The following SYT3 variants were observed in gnomAD, a reference collection of about 807,000 sequenced individuals.
SYT3 encodes synaptotagmin-3.
Under a neutral mutation model 50.6 loss-of-function variants are expected in SYT3, and 25 were observed. The ratio of observed to expected loss-of-function variants is 0.49; its 90% CI spans 0.36 to 0.69. The LOEUF (loss-of-function observed/expected upper bound fraction) is 0.69. Ranked by LOEUF, SYT3 falls within the 30% of genes least tolerant of loss-of-function variation. The pLI is 0.00. For missense variants in SYT3, 589 were observed against 793.6 expected, an observed-to-expected ratio of 0.74 and a Z score of 3.10; for synonymous variants, 323 against 353.9, an observed-to-expected ratio of 0.91 and a Z score of 0.98.
chr19:50,622,206 CA>C lies in SYT3; in HGVS notation c.*278del, dbSNP rs1276178755. The C allele has an allele frequency of 4.7e-5, 7 of 148,276 alleles. No individual in the cohort carries two copies. Among genetic ancestry groups the C allele is most frequent in the African/African-American group, 1.8e-4 (7 of 39,246 alleles). 9.2% of individuals were successfully genotyped at this position (148,276 alleles called of 1,614,324 possible). ...GAGACAGACAGAGGGTTTTGGGGGG[CA>C]GGGGTCCCCCAGACATGCATGGCCC... On this transcript the variant is annotated 3_prime_UTR_variant, in exon 11 of 11. Transcript: ENST00000600079.
At chr19:50,650,266 C>T in the SYT3 span, among the ~76,000 whole-genome samples, 32 of 152,302 alleles carry the variant, frequency 2.1e-4, 1 homozygote, top group Admixed American at 1.8e-3. Flanking sequence ...GCTCCTAGCC[C>T]AGCACTTCCT....
chr19:50,629,359 G>T lies in SYT3; in HGVS notation c.1216C>A (p.Leu406Ile), dbSNP rs1005935891. The T allele has an allele frequency of 1.2e-6, 2 of 1,613,602 alleles. No individual in the cohort carries two copies. The highest frequency in any genetic ancestry group is 1.7e-6 in the Non-Finnish European group (2 of 1,179,858). ...GGGGGCTGCTCGGCCAGCTCCAGGA[G>T]GTTGTCCAGCACCACCTGGCCGATG... ...DLIGQVVLDN[L>I]LELAEQPPDR... The change falls in exon 6 of 11, where the codon CTC (leucine) becomes ATC (isoleucine). Residue 406 changes from leucine to isoleucine, a missense_variant. By Grantham distance (5) the Leu-to-Ile change is conservative (BLOSUM62 2). This residue lies in a region of SYT3 where 273 missense variants were observed against 439.3 expected (regional missense o/e 0.62). Coordinates refer to ENST00000600079, the MANE Select transcript of SYT3 (RefSeq NM_001160329.2).
At chr19:50,653,000 T>C in the SYT3 span, among the ~76,000 whole-genome samples, 1 of 152,088 alleles carries the variant, frequency 6.6e-6, no homozygotes. Context: ...CCTCGGAAGG[T>C]TGTTGTGAGG....
chr19:50,643,306 C>T (rs1021236495), upstream of SYT3, among the ~76,000 whole-genome samples: 2 of 151,832 alleles, frequency 1.3e-5, no homozygotes, highest in Non-Finnish European at 2.9e-5. Context: ...CCCCAGAAGT[C>T]GAGGCTGTGG....
rs1984594421 is a variant in SYT3, at chr19:50,639,326, G to C, written c.-153-164C>G. The C allele has an allele frequency of 6.6e-6, 1 of 152,156 alleles. No homozygotes were observed. Among genetic ancestry groups the C allele is most frequent in the South Asian group, 2.1e-4 (1 of 4,822 alleles). 9.4% of individuals were successfully genotyped at this position (152,156 alleles called of 1,614,324 possible). ...GACTACAATTCCCGGCAGGTCTCGC[G>C]CTCGCGCTGCTGCGGCTTCATAGAC... On this transcript the variant is annotated intron_variant, in intron 1 of 10. Coordinates refer to ENST00000600079, the MANE Select transcript of SYT3 (RefSeq NM_001160329.2). The surrounding 1 kb of genome is among the most constrained non-coding windows in gnomAD (Gnocchi z 4.6).
At chr19:50,653,682 GCACACA>G in the SYT3 span, among the ~76,000 whole-genome samples, 19,147 of 121,654 alleles carry the variant, frequency 0.16, 1,863 homozygotes, top group East Asian at 0.24. Flanking sequence ...ATGAGAGACA[GCACACA>G]CACACACACA....
At chr19:50,657,192 G>C in the SYT3 span, among the ~76,000 whole-genome samples, 4 of 152,192 alleles carry the variant, frequency 2.6e-5, no homozygotes, top group Non-Finnish European at 2.9e-5. Context: ...AGGCCTCCAA[G>C]GTACCCTCTC....
chr19:50,647,358 G>C, the SYT3 span, among the ~76,000 whole-genome samples: 3 of 151,994 alleles, frequency 2.0e-5, no homozygotes, highest in African/African-American at 7.2e-5. Context: ...CTTGTGGGGA[G>C]AGGAATGAGG....
the SYT3 span, among the ~76,000 whole-genome samples, chr19:50,657,640 C>T: frequency 1.3e-5 from 2 of 152,166 alleles, no homozygotes; most frequent in Non-Finnish European, 2.9e-5. Context: ...AACTTTCAGG[C>T]GCATCCATTG....
chr19:50,647,123 C>G, the SYT3 span, among the ~76,000 whole-genome samples: 39 of 151,992 alleles, frequency 2.6e-4, no homozygotes, highest in Admixed American at 1.3e-4. Flanking sequence ...AGCCACCGCG[C>G]CTGGCTGCGG....
In SYT3 at chr19:50,632,927, A is replaced by G. The variant is rs1599818741; in HGVS notation, c.149-116T>C. ...GCCATGCAATTGTCCATGCAATTGC[A>G]AGTGCCAGGCACTTTACATGTATTA... On this transcript the variant is annotated intron_variant, in intron 3 of 10. Transcript: ENST00000600079. This position sits in a 1 kb window ranked among gnomAD's most constrained non-coding sequence, Gnocchi z 4.7. 2.6e-6 allele frequency: 2 copies of G among 773,352 alleles called. No individual in the cohort carries two copies. Among genetic ancestry groups the G allele is most frequent in the East Asian group, 2.9e-5 (1 of 35,048 alleles). 47.9% of individuals were successfully genotyped at this position (773,352 alleles called of 1,614,324 possible).
chr19:50,625,720 G>C lies in SYT3; in HGVS notation c.1403-156C>G, dbSNP rs963794043. 2.7e-5 allele frequency among the ~76,000 whole-genome samples: 4 copies of C among 149,230 alleles called. No homozygotes were observed. In the South Asian group the frequency reaches 8.6e-4, roughly 32 times the overall value. The stretch of plus-strand genomic sequence containing the variant: ...TCAGGCCCAAGAGTCCAGACCCCAG[G>C]TCCTCCTCTCTCCGACCCAGGAGTC... On this transcript the variant is annotated intron_variant, in intron 7 of 10. Transcript: ENST00000600079. This position sits in a 1 kb window ranked among gnomAD's most constrained non-coding sequence, Gnocchi z 7.5.
chr19:50,632,552 G>A lies in SYT3; in HGVS notation c.408C>T (p.Ala136=), dbSNP rs200047213. The change falls in exon 4 of 11, where the codon GCC becomes GCT. Residue 136 remains alanine, a synonymous_variant. Coordinates refer to ENST00000600079, the MANE Select transcript of SYT3 (RefSeq NM_001160329.2). The surrounding 1 kb of genome is among the most constrained non-coding windows in gnomAD (Gnocchi z 4.7). The part of the protein sequence containing the change: ...LLGGPHHHAH[A]AHHPPFAELL... ...GCTCAGCAAAGGGTGGATGGTGGGC[G>A]GCATGGGCATGGTGGTGTGGGCCGC... is the stretch of plus-strand genomic sequence containing the variant. 6.9e-5 allele frequency: 110 copies of A among 1,600,242 alleles called. No homozygotes were observed. Among genetic ancestry groups the A allele is most frequent in the East Asian group, 4.9e-4 (22 of 44,602 alleles).
At position 50,632,647 on chromosome 19, in the gene SYT3, C is replaced by A; in HGVS notation, c.313G>T (p.Gly105Trp). The A allele has an allele frequency of 6.3e-7, 1 of 1,584,698 alleles. No individual in the cohort carries two copies. The highest frequency in any genetic ancestry group is 1.7e-5 in the Admixed American group (1 of 58,722). The part of the protein sequence containing the change: ...PLRKDLGPGV[G>W]LAGLVGGGGH... ...CCTCCGCCTACCAGGCCTGCCAGCCCGACACCAGGGCCTAGGTCTTTGCGC... is the reference window on the plus strand; with the variant it reads ...CCTCCGCCTACCAGGCCTGCCAGCCAGACACCAGGGCCTAGGTCTTTGCGC... Residue 105 changes from glycine to tryptophan, a missense_variant, in exon 4 of 11, where the codon GGG becomes TGG. Coordinates refer to ENST00000600079, the MANE Select transcript of SYT3 (RefSeq NM_001160329.2). This position sits in a 1 kb window ranked among gnomAD's most constrained non-coding sequence, Gnocchi z 4.7.
At chr19:50,627,800 T>C (rs565341123) in intron 6 of SYT3, among the ~76,000 whole-genome samples, 1 of 149,376 alleles carries the variant, frequency 6.7e-6, no homozygotes, top group Non-Finnish European at 1.5e-5. Flanking sequence ...CCTCAAGTGA[T>C]GATGATGGAG....
chr19:50,632,904 C>T lies in SYT3; in HGVS notation c.149-93G>A, dbSNP rs768535778. 26 of 1,106,116 alleles carry T rather than the reference C, an allele frequency of 2.4e-5. No individual in the cohort carries two copies. The highest frequency in any genetic ancestry group is 3.0e-5 in the Non-Finnish European group (25 of 821,748). 68.5% of individuals were successfully genotyped at this position (1,106,116 alleles called of 1,614,324 possible). A position where few individuals can be genotyped will look rare whatever the true frequency, so the allele number is the denominator to read the frequency against. ...CAAAGAGTTAACCCTTCATATTTGC[C>T]ATGCAATTGTCCATGCAATTGCAAG... On this transcript the variant is annotated intron_variant, in intron 3 of 10. Coordinates refer to ENST00000600079, the MANE Select transcript of SYT3 (RefSeq NM_001160329.2). The surrounding 1 kb of genome is among the most constrained non-coding windows in gnomAD (Gnocchi z 4.7).
chr19:50,626,522 CAGAGAGGAGGACAGAGACCCAGAG>C (rs1984073607), intron 6 of SYT3, among the ~76,000 whole-genome samples: 1 of 118,276 alleles, frequency 8.5e-6, no homozygotes, highest in African/African-American at 3.4e-5. Context: ...GACAGAGACC[CAGAGAGGAGGACAGAGACCCAGAG>C]AGAGAGGAGG....
At chr19:50,648,478 C>T in the SYT3 span, among the ~76,000 whole-genome samples, 1 of 152,214 alleles carries the variant, frequency 6.6e-6, no homozygotes, top group African/African-American at 2.4e-5. Context: ...GAAGGTCCAG[C>T]TTCCTCTCCC....
intron 6 of SYT3, among the ~76,000 whole-genome samples, chr19:50,628,847 G>A (rs371695390): frequency 6.3e-5 from 9 of 143,410 alleles, no homozygotes; most frequent in Middle Eastern, 3.4e-3. Flanking sequence ...TTTTTGAGAC[G>A]GAGTTTCGCT....
Sources: allele counts gnomAD v4.1 joint callset (sites outside exome capture counted in the v4.1 genomes callset), GRCh38; gene constraint gnomAD v4.1.1; regional missense constraint gnomAD v4.1.1; non-coding constraint Gnocchi (gnomAD v3.1); transcripts MANE v1.5; gene names NCBI Gene and HGNC (gene_info 2026-07-23, HGNC 2026-07-21).